NWD2: variants seen among roughly 807,000 people sequenced by gnomAD.
NWD2 encodes the protein NACHT and WD repeat domain-containing protein 2.
A neutral mutation model predicts 132.7 loss-of-function variants in NWD2; 37 were observed. The observed-to-expected ratio is 0.28, with a 90% CI of 0.21 to 0.37. NWD2 has a LOEUF of 0.37. Ranked by LOEUF, NWD2 falls within the 10% of genes least tolerant of loss-of-function variation. NWD2 has a pLI of 1.00. For synonymous variants in NWD2, 705 were observed against 803.0 expected, an observed-to-expected ratio of 0.88 and a Z score of 2.06; for missense variants, 1,592 against 2,122.4, an observed-to-expected ratio of 0.75 and a Z score of 4.91.
intron 3 of NWD2, among the ~76,000 whole-genome samples, chr4:37,384,172 C>G (rs1351304): frequency 0.46 from 69,219 of 151,952 alleles, 16,037 homozygotes; most frequent in East Asian, 0.58. Context: ...GGCTTTTAAA[C>G]AGTTTATGTC....
Position 37,444,868 on chromosome 4 carries a change from T to A in NWD2, c.2880T>A (p.Arg960=). The part of the protein sequence containing the change: ...SSMDVTYSPE[R]LPLSSSHLHV... Reference sequence around the variant, plus strand: ...TGGATGTGACATACAGCCCAGAGCGTCTTCCCTTATCATCCAGTCACCTGC... The same window carrying A: ...TGGATGTGACATACAGCCCAGAGCGACTTCCCTTATCATCCAGTCACCTGC... Residue 960 remains arginine, a synonymous_variant, in exon 7 of 7, where the codon CGT becomes CGA. Coordinates refer to ENST00000309447, the MANE Select transcript of NWD2 (RefSeq NM_001144990.2). This position sits in a 1 kb window ranked among gnomAD's most constrained non-coding sequence, Gnocchi z 4.8. 1 of 1,552,246 alleles carries A rather than the reference T, an allele frequency of 6.4e-7. No homozygotes were observed. Among genetic ancestry groups the A allele is most frequent in the Non-Finnish European group, 8.7e-7 (1 of 1,147,116 alleles).
chr4:37,291,552 A>G (rs1194209003), intron 1 of NWD2, among the ~76,000 whole-genome samples: 1 of 152,204 alleles, frequency 6.6e-6, no homozygotes, highest in Non-Finnish European at 1.5e-5. Flanking sequence ...TTTTTATAAC[A>G]TTCAATATTG....
chr4:37,419,023 A>C (rs1259258255), intron 3 of NWD2, among the ~76,000 whole-genome samples: 1 of 152,120 alleles, frequency 6.6e-6, no homozygotes, highest in Non-Finnish European at 1.5e-5. Context: ...CAGTAATCAA[A>C]ACAGCATGGT....
intron 3 of NWD2, among the ~76,000 whole-genome samples, chr4:37,367,840 G>T (rs1720132820): frequency 6.6e-6 from 1 of 152,128 alleles, no homozygotes; most frequent in Non-Finnish European, 1.5e-5. Flanking sequence ...TTTGCCTGAT[G>T]TCTAACTAGT....
chr4:37,336,777 A>G (rs947522489), intron 2 of NWD2, among the ~76,000 whole-genome samples: 5 of 151,902 alleles, frequency 3.3e-5, no homozygotes, highest in Non-Finnish European at 7.4e-5. Context: ...CGTCTCTACT[A>G]AAAATAAAAA....
chr4:37,443,491 T>C lies in NWD2; in HGVS notation c.1503T>C (p.Asn501=). 6.4e-7 allele frequency: 1 copy of C among 1,552,110 alleles called. No homozygotes were observed. The highest frequency in any genetic ancestry group is 8.7e-7 in the Non-Finnish European group (1 of 1,147,074). The change falls in exon 7 of 7, where the codon AAT becomes AAC. Residue 501 remains asparagine (N), a synonymous_variant. Coordinates refer to ENST00000309447, the MANE Select transcript of NWD2 (RefSeq NM_001144990.2). The surrounding 1 kb of genome is among the most constrained non-coding windows in gnomAD (Gnocchi z 4.1). ...DLCDLFINLL[N]ESSLQRPLVI... is the part of the protein sequence containing the mutation. ...GTGACTTATTTATAAATCTTTTGAA[T>C]GAGTCTTCACTGCAGAGACCTCTAG...
At chr4:37,264,324 G>A (rs1324101042) in intron 1 of NWD2, among the ~76,000 whole-genome samples, 2 of 152,190 alleles carry the variant, frequency 1.3e-5, no homozygotes, top group Non-Finnish European at 2.9e-5. Context: ...TTTGGTGGAT[G>A]TGTGATTTTG....
intron 1 of NWD2, among the ~76,000 whole-genome samples, chr4:37,293,144 A>T (rs1425525683): frequency 6.6e-6 from 1 of 152,220 alleles, no homozygotes; most frequent in African/African-American, 2.4e-5. Flanking sequence ...AAATAAGCCA[A>T]TATTTGTTGT....
chr4:37,394,807 T>TTTTTG (rs1553897368), intron 3 of NWD2, among the ~76,000 whole-genome samples: 2 of 69,694 alleles, frequency 2.9e-5, no homozygotes, highest in Admixed American at 3.7e-4. Flanking sequence ...TGGTTTTTTT[T>TTTTTG]TTTTTTTTTT....
chr4:37,437,405 A>G (rs535259654), intron 5 of NWD2, among the ~76,000 whole-genome samples: 1 of 152,306 alleles, frequency 6.6e-6, no homozygotes, highest in East Asian at 1.9e-4. Context: ...TCATGAACTA[A>G]TTACCCAAAC....
intron 2 of NWD2, among the ~76,000 whole-genome samples, chr4:37,333,141 A>G (rs574332887): frequency 2.6e-5 from 4 of 152,318 alleles, no homozygotes; most frequent in African/African-American, 9.6e-5. Context: ...GGCGTCTCTG[A>G]ACCTGCCAGG....
At chr4:37,277,784 A>G (rs1166963794) in intron 1 of NWD2, among the ~76,000 whole-genome samples, 1 of 152,004 alleles carries the variant, frequency 6.6e-6, no homozygotes, top group South Asian at 2.1e-4. Flanking sequence ...ATATCTCACA[A>G]TTTTTTGTGA....
chr4:37,256,188 C>A (rs1259620108), intron 1 of NWD2, among the ~76,000 whole-genome samples: 1 of 152,090 alleles, frequency 6.6e-6, no homozygotes, highest in Non-Finnish European at 1.5e-5. Context: ...GGTCTGTATC[C>A]TTATGTGTGC....
In NWD2 at chr4:37,445,156, C is replaced by T. The variant is rs1712598207; in HGVS notation, c.3168C>T (p.Ser1056=). The T allele has an allele frequency of 2.6e-6, 4 of 1,552,048 alleles. No homozygotes were observed. In the South Asian group the frequency reaches 3.6e-5, roughly 14 times the overall value. Residue 1056 remains serine (S), a synonymous_variant, in exon 7 of 7, where the codon AGC becomes AGT. Coordinates refer to ENST00000309447, the MANE Select transcript of NWD2 (RefSeq NM_001144990.2). This position sits in a 1 kb window ranked among gnomAD's most constrained non-coding sequence, Gnocchi z 4.7. ...AAATCAAGGGGACCAAGCATGGAAG[C>T]AGCGCCACCTACATCAATGGATTTA... is the stretch of plus-strand genomic sequence containing the variant. The part of the protein sequence containing the change: ...EVEIKGTKHG[S]SATYINGFTL...
intron 1 of NWD2, among the ~76,000 whole-genome samples, chr4:37,296,265 A>G (rs1039708513): frequency 3.3e-5 from 5 of 152,214 alleles, no homozygotes; most frequent in African/African-American, 1.2e-4. Flanking sequence ...GCATTCAGGC[A>G]TGAGTTATAG....
chr4:37,258,053 T>C (rs967048391), intron 1 of NWD2, among the ~76,000 whole-genome samples: 3 of 152,242 alleles, frequency 2.0e-5, no homozygotes, highest in African/African-American at 7.2e-5. Flanking sequence ...TCATATATCA[T>C]TTTTCTGATC....
chr4:37,364,633 C>T (rs942148403), intron 3 of NWD2, among the ~76,000 whole-genome samples: 1 of 151,592 alleles, frequency 6.6e-6, no homozygotes, highest in Non-Finnish European at 1.5e-5. Flanking sequence ...AAAGAATGGG[C>T]ATATCACCAT....
At chr4:37,393,563 C>T (rs912987444) in intron 3 of NWD2, among the ~76,000 whole-genome samples, 1 of 152,204 alleles carries the variant, frequency 6.6e-6, no homozygotes. Context: ...GCAACTACTA[C>T]CACAGACTCC....
intron 2 of NWD2, among the ~76,000 whole-genome samples, chr4:37,336,952 G>GA (rs11371327): frequency 0.68 from 80,368 of 118,910 alleles, 26,870 homozygotes; most frequent in Admixed American, 0.76. Flanking sequence ...CTCAAAAAAA[G>GA]AAAAAAAAAA....
Sources: allele counts gnomAD v4.1 joint callset (sites outside exome capture counted in the v4.1 genomes callset), GRCh38; gene constraint gnomAD v4.1.1; non-coding constraint Gnocchi (gnomAD v3.1); transcripts MANE v1.5; gene names NCBI Gene and HGNC (gene_info 2026-07-23, HGNC 2026-07-21).